CEP350: variants seen among roughly 807,000 people sequenced by gnomAD.
The protein encoded by CEP350 is centrosome-associated protein 350.
Under a neutral mutation model 331.8 loss-of-function variants are expected in CEP350, and 126 were observed. That is an observed-to-expected ratio of 0.38 (90% CI 0.33 to 0.44). The LOEUF (loss-of-function observed/expected upper bound fraction) is 0.44. Among genes scored for constraint, CEP350 ranks in the 20% least tolerant of loss-of-function variants. The pLI, the probability that CEP350 is intolerant of heterozygous loss-of-function variation, is 1.00. For synonymous variants in CEP350, 1,200 were observed against 1,259.5 expected (o/e 0.95, Z 1.00); for missense variants, 3,406 against 3,634.6 (o/e 0.94, Z 1.62).
chr1:180,037,371 ATAT>A (rs1238465064), intron 17 of CEP350, among the ~76,000 whole-genome samples: 5 of 148,626 alleles, frequency 3.4e-5, no homozygotes, highest in Admixed American at 1.3e-4. Flanking sequence ...AACATTCTTA[ATAT>A]TTTCTCCTTT....
At chr1:180,052,660 G>C (rs1456000424) in intron 22 of CEP350, among the ~76,000 whole-genome samples, 1 of 151,956 alleles carries the variant, frequency 6.6e-6, no homozygotes, top group Non-Finnish European at 1.5e-5. Flanking sequence ...CCTTTGTAAA[G>C]CATCTGATCT....
At chr1:179,968,989 G>GC (rs1651229129) in intron 1 of CEP350, 2 of 757,524 alleles carry the variant, frequency 2.6e-6, no homozygotes, top group South Asian at 2.7e-5. Context: ...GATCCAGGCA[G>GC]CCTTCCGGGA....
chr1:180,052,581 A>G (rs1265138428), intron 22 of CEP350, among the ~76,000 whole-genome samples: 1 of 150,980 alleles, frequency 6.6e-6, no homozygotes, highest in African/African-American at 2.5e-5. Flanking sequence ...TTTTAAAAAG[A>G]TATTTTTACT....
intron 17 of CEP350, among the ~76,000 whole-genome samples, chr1:180,037,480 A>C (rs2148901469): frequency 6.6e-6 from 1 of 151,642 alleles, no homozygotes; most frequent in African/African-American, 2.4e-5. Flanking sequence ...GTGTTTGATA[A>C]AGCCAGGATA....
intron 19 of CEP350, among the ~76,000 whole-genome samples, chr1:180,042,132 T>TCACACACACACACACACACA (rs59048123): frequency 8.9e-5 from 13 of 146,772 alleles, no homozygotes; most frequent in African/African-American, 3.3e-4. Flanking sequence ...GAGTTTTCTC[T>TCACACACACACACACACACA]CACACACACA....
intron 14 of CEP350, 51 bp downstream of exon 14, chr1:180,024,633 T>C: frequency 6.5e-7 from 1 of 1,541,926 alleles, no homozygotes; most frequent in Non-Finnish European, 8.7e-7. Flanking sequence ...GATTTTGTTG[T>C]AGTAATCTAA....
At chr1:180,038,448 A>G (rs1237887575) in intron 17 of CEP350, among the ~76,000 whole-genome samples, 2 of 152,216 alleles carry the variant, frequency 1.3e-5, no homozygotes, top group African/African-American at 2.4e-5. Flanking sequence ...ATGAAACTTT[A>G]TAAGAAACTG....
chr1:180,052,376 A>G, intron 22 of CEP350: 1 of 353,992 alleles, frequency 2.8e-6, no homozygotes, highest in Admixed American at 4.0e-5. Flanking sequence ...CTTTAATAAA[A>G]TAAATAAGAG....
rs183299475 is a variant in CEP350, at chr1:180,069,621, A to T, written c.5567+4349A>T. 5.9e-5 allele frequency among the ~76,000 whole-genome samples: 9 copies of T among 152,326 alleles called. No homozygotes were observed. The East Asian group carries it at 1.7e-3, about 29-fold the overall frequency. On this transcript the variant is annotated intron_variant, in intron 27 of 37. Coordinates refer to ENST00000367607, the MANE Select transcript of CEP350 (RefSeq NM_014810.5). ...TGTATTATTTTGTTTACTTAGGTGT[A>T]TGTAAATTATTAGATAATTTTAAGT...
intron 1 of CEP350, among the ~76,000 whole-genome samples, chr1:179,971,849 CAA>C (rs1651479138): frequency 6.6e-6 from 1 of 152,094 alleles, no homozygotes; most frequent in Non-Finnish European, 1.5e-5. Flanking sequence ...TAAAAAAAGA[CAA>C]AGTCTTAATA....
intron 11 of CEP350, among the ~76,000 whole-genome samples, chr1:180,016,338 T>C (rs1654971742): frequency 6.6e-6 from 1 of 152,240 alleles, no homozygotes; most frequent in African/African-American, 2.4e-5. Flanking sequence ...AAATTTCTTA[T>C]GTGTAAGAAC....
intron 11 of CEP350, among the ~76,000 whole-genome samples, chr1:180,016,893 C>G (rs961821681): frequency 6.6e-6 from 1 of 151,874 alleles, no homozygotes; most frequent in Non-Finnish European, 1.5e-5. Flanking sequence ...AAACTCCTGA[C>G]CTCAAGTGAT....
intron 1 of CEP350, among the ~76,000 whole-genome samples, chr1:179,975,997 A>G (rs189182110): frequency 2.0e-5 from 3 of 152,182 alleles, no homozygotes; most frequent in African/African-American, 4.8e-5. Flanking sequence ...AGAAAAAAAC[A>G]ATCAAGAGGC....
intron 29 of CEP350, among the ~76,000 whole-genome samples, chr1:180,080,041 G>T (rs1420683781): frequency 1.3e-5 from 2 of 152,164 alleles, no homozygotes; most frequent in Non-Finnish European, 2.9e-5. Context: ...ATAGTAGCTA[G>T]GAATCAAATC....
chr1:179,955,207 C>T, intron 1 of CEP350, 65 bp downstream of exon 1: 5 of 1,225,464 alleles, frequency 4.1e-6, no homozygotes, highest in Non-Finnish European at 5.2e-6. Context: ...TCTCTGTCCG[C>T]GGTCCCGGGT....
chr1:179,992,317 T>A, intron 5 of CEP350, 96 bp downstream of exon 5: 3 of 1,025,968 alleles, frequency 2.9e-6, no homozygotes. Flanking sequence ...TATAGCACTC[T>A]GGTTGTGAAA....
At chr1:180,062,137 T>A in intron 25 of CEP350, 83 bp from the exon 26 acceptor site, 1 of 1,236,544 alleles carries the variant, frequency 8.1e-7, no homozygotes, top group Non-Finnish European at 1.1e-6. Context: ...ATTTTTAATA[T>A]ATGTGCTGAT....
intron 9 of CEP350, among the ~76,000 whole-genome samples, chr1:180,013,073 A>G (rs918326349): frequency 6.6e-6 from 1 of 152,180 alleles, no homozygotes; most frequent in Non-Finnish European, 1.5e-5. Flanking sequence ...AGGAATCATT[A>G]TATTCTTCAT....
intron 21 of CEP350, among the ~76,000 whole-genome samples, chr1:180,045,596 T>G (rs1276008057): frequency 6.6e-6 from 1 of 152,222 alleles, no homozygotes; most frequent in East Asian, 1.9e-4. Flanking sequence ...TGAAACTATC[T>G]GATGTTCATT....
Sources: gnomAD v4.1 joint callset for allele counts (sites outside exome capture counted in the v4.1 genomes callset) on GRCh38, gnomAD v4.1.1 for gene constraint, MANE v1.5 for transcripts, NCBI Gene and HGNC (gene_info 2026-07-23, HGNC 2026-07-21) for gene names.